STUM: variants seen among roughly 807,000 people sequenced by gnomAD.
The protein encoded by STUM is protein stum homolog.
Under a neutral mutation model 15.3 loss-of-function variants are expected in STUM, and 8 were observed. The ratio of observed to expected loss-of-function variants is 0.52; its 90% CI spans 0.31 to 0.94. STUM has a LOEUF of 0.94. Ranked by LOEUF, STUM falls within the 40% of genes least tolerant of loss-of-function variation. The pLI is 0.05. For synonymous variants in STUM, 78 were observed against 88.7 expected (o/e 0.88, Z 0.68); for missense variants, 142 against 204.9 (o/e 0.69, Z 1.87).
At chr1:226,550,900 G>T (rs1667365112) in intron 1 of STUM, among the ~76,000 whole-genome samples, 1 of 152,122 alleles carries the variant, frequency 6.6e-6, no homozygotes, top group Admixed American at 6.5e-5. Flanking sequence ...TTTTCCCTTT[G>T]TGAGATCAGA....
intron 3 of STUM, 106 bp from the exon 4 acceptor site, chr1:226,601,900 A>T: frequency 1.2e-6 from 1 of 864,454 alleles, no homozygotes; most frequent in South Asian, 1.4e-5. Context: ...TTTACACCTT[A>T]GTATAAACAA....
rs1187721762 is a variant in STUM at position 226,604,554 on chromosome 1, C to T, written c.*2514C>T. 3 of 152,326 alleles carry T rather than the reference C, an allele frequency of 2.0e-5. No homozygotes were observed. The highest frequency in any genetic ancestry group is 3.4e-3 in the Middle Eastern group (1 of 294). 9.4% of individuals were successfully genotyped at this position (152,326 alleles called of 1,614,324 possible). Reference sequence around the variant, plus strand: ...GCGCCCCCGCCCCTCTAAATTAGACCGTGGTCTCAGCATGATCATCTTCAG... The same window carrying T: ...GCGCCCCCGCCCCTCTAAATTAGACTGTGGTCTCAGCATGATCATCTTCAG... On this transcript the variant is annotated 3_prime_UTR_variant, in exon 4 of 4. Coordinates refer to ENST00000366788, the MANE Select transcript of STUM (RefSeq NM_001003665.4). The surrounding 1 kb of genome is among the most constrained non-coding windows in gnomAD (Gnocchi z 4.7).
chr1:226,562,207 T>G (rs936530176), intron 1 of STUM, among the ~76,000 whole-genome samples: 5 of 152,112 alleles, frequency 3.3e-5, no homozygotes, highest in African/African-American at 1.2e-4. Context: ...AGTGGCTCAC[T>G]TCTGTAATCC....
chr1:226,599,979 C>G (rs955482613), intron 2 of STUM, among the ~76,000 whole-genome samples: 4 of 152,184 alleles, frequency 2.6e-5, no homozygotes, highest in East Asian at 1.9e-4. Flanking sequence ...TGGCTCCTCT[C>G]CATAGAAATG....
At chr1:226,557,042 A>G (rs1667457682) in intron 1 of STUM, among the ~76,000 whole-genome samples, 1 of 152,206 alleles carries the variant, frequency 6.6e-6, no homozygotes, top group Non-Finnish European at 1.5e-5. Flanking sequence ...ATTATTAACT[A>G]TATTTACCAC....
At chr1:226,580,133 A>AC (rs1423923577) in intron 1 of STUM, among the ~76,000 whole-genome samples, 2 of 151,330 alleles carry the variant, frequency 1.3e-5, no homozygotes, top group African/African-American at 2.4e-5. Context: ...AGAAGTAAAA[A>AC]ATGACAGATT....
chr1:226,601,007 A>G (rs1432096783), intron 3 of STUM, among the ~76,000 whole-genome samples: 2 of 152,232 alleles, frequency 1.3e-5, no homozygotes, highest in Non-Finnish European at 2.9e-5. Context: ...AAGAGAAAAA[A>G]GCAGCTCAAT....
intron 1 of STUM, among the ~76,000 whole-genome samples, chr1:226,596,352 C>T (rs1215112511): frequency 2.6e-5 from 4 of 152,190 alleles, no homozygotes; most frequent in Non-Finnish European, 5.9e-5. Context: ...TTCCCCTCTC[C>T]TGAATTTACC....
chr1:226,593,127 A>G (rs1159459347), intron 1 of STUM, among the ~76,000 whole-genome samples: 1 of 147,464 alleles, frequency 6.8e-6, no homozygotes, highest in Admixed American at 7.0e-5. Flanking sequence ...TGGAGGTTGC[A>G]GTGAGCTGAG....
At chr1:226,570,493 G>T (rs1667689328) in intron 1 of STUM, among the ~76,000 whole-genome samples, 3 of 152,184 alleles carry the variant, frequency 2.0e-5, no homozygotes, top group African/African-American at 7.2e-5. Flanking sequence ...AACTCAGAAG[G>T]CTGAACAGAT....
intron 1 of STUM, among the ~76,000 whole-genome samples, chr1:226,577,274 C>T (rs566230903): frequency 6.6e-6 from 1 of 152,284 alleles, no homozygotes; most frequent in East Asian, 1.9e-4. Flanking sequence ...ACTGCTCTCC[C>T]TTCAGGAATT....
At chr1:226,562,393 C>A (rs1667556792) in intron 1 of STUM, among the ~76,000 whole-genome samples, 2 of 151,336 alleles carry the variant, frequency 1.3e-5, no homozygotes, top group African/African-American at 4.9e-5. Flanking sequence ...CACTTGAACC[C>A]AGGAGGCATA....
In STUM at chr1:226,608,883, C is replaced by T. The variant is rs1668405886; in HGVS notation, c.*6843C>T. 1 of 152,308 alleles carries T rather than the reference C, an allele frequency of 6.6e-6. No homozygotes were observed. The highest frequency in any genetic ancestry group is 2.4e-5 in the African/African-American group (1 of 41,452). 9.4% of individuals were successfully genotyped at this position (152,308 alleles called of 1,614,324 possible). ...CAGCCCCAGCCCCGGCAGACCTTCC[C>T]TGGGAGCTGCTTAGGTGGTCTCCAC... is the stretch of plus-strand genomic sequence containing the variant. On this transcript the variant is annotated 3_prime_UTR_variant, in exon 4 of 4. Transcript: ENST00000366788. The surrounding 1 kb of genome is among the most constrained non-coding windows in gnomAD (Gnocchi z 4.0).
rs530285984 is a variant in STUM at position 226,603,314 on chromosome 1, G to T, written c.*1274G>T. On this transcript the variant is annotated 3_prime_UTR_variant, in exon 4 of 4. Transcript: ENST00000366788. ...ATTGGGACAGGGCTAGATCCCTAAT[G>T]GGGGCTAGGGGTGGGGAGAATCTAG... is the stretch of plus-strand genomic sequence containing the variant. 1 of 152,334 alleles carries T rather than the reference G, an allele frequency of 6.6e-6. No homozygotes were observed. The highest frequency in any genetic ancestry group is 1.9e-4 in the East Asian group (1 of 5,190). 9.4% of individuals were successfully genotyped at this position (152,334 alleles called of 1,614,324 possible). A position where few individuals can be genotyped will look rare whatever the true frequency, so the allele number is the denominator to read the frequency against.
At chr1:226,597,192 A>G (rs540167787) in intron 2 of STUM, among the ~76,000 whole-genome samples, 1 of 152,358 alleles carries the variant, frequency 6.6e-6, no homozygotes, top group African/African-American at 2.4e-5. Context: ...GCAGGGAATT[A>G]TGAGTGGATG....
chr1:226,590,220 C>T (rs1668065224), intron 1 of STUM, among the ~76,000 whole-genome samples: 1 of 152,154 alleles, frequency 6.6e-6, no homozygotes, highest in African/African-American at 2.4e-5. Context: ...TTAAGTTTCT[C>T]CCACTTAAGG....
intron 1 of STUM, among the ~76,000 whole-genome samples, chr1:226,560,139 AAAAC>A (rs929007005): frequency 6.6e-6 from 1 of 152,212 alleles, no homozygotes; most frequent in Non-Finnish European, 1.5e-5. Context: ...ACTCTGTCTC[AAAAC>A]AAACAAACAA....
rs1388274705 is a variant in STUM at position 226,602,252 on chromosome 1, C to T, written c.*212C>T. ...CCAGCCCCTCCTGCTCTGGAAAGCA[C>T]TGTGGGCGCAGGCACCAGAGCATCA... On this transcript the variant is annotated 3_prime_UTR_variant, in exon 4 of 4. Coordinates refer to ENST00000366788, the MANE Select transcript of STUM (RefSeq NM_001003665.4). 1 of 572,060 alleles carries T rather than the reference C, an allele frequency of 1.7e-6. No homozygotes were observed. The highest frequency in any genetic ancestry group is 3.1e-6 in the Non-Finnish European group (1 of 320,838). 35.4% of individuals were successfully genotyped at this position (572,060 alleles called of 1,614,324 possible). A position where few individuals can be genotyped will look rare whatever the true frequency, so the allele number is the denominator to read the frequency against.
chr1:226,558,221 T>C (rs1015848242), intron 1 of STUM, among the ~76,000 whole-genome samples: 2 of 152,074 alleles, frequency 1.3e-5, no homozygotes, highest in Non-Finnish European at 2.9e-5. Flanking sequence ...ATCCTATATA[T>C]AGAAAACCTT....
Sources: gnomAD v4.1 joint callset for allele counts (sites outside exome capture counted in the v4.1 genomes callset) on GRCh38, gnomAD v4.1.1 for gene constraint, Gnocchi (gnomAD v3.1) non-coding constraint, MANE v1.5 for transcripts, NCBI Gene and HGNC (gene_info 2026-07-23, HGNC 2026-07-21) for gene names.